UPK1B: variants seen among roughly 807,000 people sequenced by gnomAD.
The protein encoded by UPK1B is uroplakin-1b.
In UPK1B, 28 loss-of-function variants were observed where a neutral mutation model predicts 34.2. The observed-to-expected ratio is 0.82, with a 90% CI of 0.61 to 1.12. The LOEUF is 1.12. UPK1B is among the 50% of genes most tolerant of loss of function. UPK1B has a pLI of 0.00. For synonymous variants in UPK1B, 81 were observed against 110.4 expected, an observed-to-expected ratio of 0.73 and a Z score of 1.67; for missense variants, 325 against 320.9, an observed-to-expected ratio of 1.01 and a Z score of -0.10.
intron 1 of UPK1B, among the ~76,000 whole-genome samples, chr3:119,176,332 C>T (rs1429798632): frequency 6.6e-6 from 1 of 152,138 alleles, no homozygotes; most frequent in African/African-American, 2.4e-5. Context: ...TCTTTTTCTT[C>T]TGCTTTGCAA....
intron 3 of UPK1B, among the ~76,000 whole-genome samples, chr3:119,189,835 G>C (rs1450632926): frequency 6.6e-6 from 1 of 152,200 alleles, no homozygotes; most frequent in East Asian, 1.9e-4. Flanking sequence ...GATTTATGAG[G>C]CCCTATACTG....
chr3:119,195,566 T>C (rs978309069), intron 6 of UPK1B, among the ~76,000 whole-genome samples: 1 of 152,248 alleles, frequency 6.6e-6, no homozygotes, highest in African/African-American at 2.4e-5. Context: ...ATTGTTTTAA[T>C]CAATTATATT....
chr3:119,173,803 CCTGTT>C (rs1251430914), intron 1 of UPK1B, among the ~76,000 whole-genome samples, 165 bp downstream of exon 1: 3 of 152,100 alleles, frequency 2.0e-5, no homozygotes. Flanking sequence ...TTGTGACTGT[CCTGTT>C]CTCTTTTACT....
At chr3:119,189,529 T>C (rs6772525) in intron 3 of UPK1B, among the ~76,000 whole-genome samples, 74,103 of 152,244 alleles carry the variant, frequency 0.49, 19,218 homozygotes, top group Non-Finnish European at 0.58. Context: ...CATGTGGAGG[T>C]ATCATGTGCA....
chr3:119,176,356 G>A (rs75951664), intron 1 of UPK1B, among the ~76,000 whole-genome samples: 2,293 of 152,264 alleles, frequency 0.015, 26 homozygotes, highest in Middle Eastern at 0.031. Flanking sequence ...GGTTTGTTTA[G>A]TGAGCAATTG....
chr3:119,197,480 T>C (rs1315724823), intron 6 of UPK1B, among the ~76,000 whole-genome samples: 1 of 152,202 alleles, frequency 6.6e-6, no homozygotes, highest in Non-Finnish European at 1.5e-5. Flanking sequence ...TATATATTAT[T>C]AGATGAACGA....
At chr3:119,196,637 T>C (rs898623808) in intron 6 of UPK1B, among the ~76,000 whole-genome samples, 1 of 150,542 alleles carries the variant, frequency 6.6e-6, no homozygotes, top group East Asian at 2.0e-4. Flanking sequence ...CCTCCCAGGT[T>C]CAAGTGATTC....
chr3:119,185,611 T>C (rs995797453), intron 1 of UPK1B, among the ~76,000 whole-genome samples: 2 of 152,244 alleles, frequency 1.3e-5, no homozygotes, highest in African/African-American at 2.4e-5. Context: ...TGTGTGGGAA[T>C]GCATCTTAGT....
intron 3 of UPK1B, among the ~76,000 whole-genome samples, chr3:119,189,380 C>G (rs957339398): frequency 3.3e-5 from 5 of 152,228 alleles, no homozygotes; most frequent in African/African-American, 1.2e-4. Flanking sequence ...CCTGCTGACA[C>G]TGACCACAGT....
chr3:119,199,169 T>G, intron 7 of UPK1B, 29 bp downstream of exon 7: 1 of 1,612,354 alleles, frequency 6.2e-7, no homozygotes, highest in East Asian at 2.2e-5. Flanking sequence ...ATATTTTATC[T>G]GAGAGGATGA....
At chr3:119,179,087 T>C (rs6438501) in intron 1 of UPK1B, among the ~76,000 whole-genome samples, 116,755 of 151,608 alleles carry the variant, frequency 0.77, 45,219 homozygotes, top group East Asian at 0.84. Flanking sequence ...GCCTATAATC[T>C]CCACACTTTG....
chr3:119,178,814 G>A (rs2077971386), intron 1 of UPK1B, among the ~76,000 whole-genome samples: 2 of 152,154 alleles, frequency 1.3e-5, no homozygotes, highest in South Asian at 4.1e-4. Context: ...GATCATTTGA[G>A]AACCTCTGCT....
chr3:119,202,457 A>C (rs192683084), intron 7 of UPK1B, among the ~76,000 whole-genome samples: 59 of 152,328 alleles, frequency 3.9e-4, no homozygotes, highest in Non-Finnish European at 7.2e-4. Flanking sequence ...TAGAATAGTG[A>C]GTGATGCATA....
rs199919041 is a variant in UPK1B, at chr3:119,199,578, T to C, written c.732+438T>C. 2.0e-5 allele frequency among the ~76,000 whole-genome samples: 3 copies of C among 152,240 alleles called. No homozygotes were observed. The East Asian group carries it at 5.8e-4, about 29-fold the overall frequency. On this transcript the variant is annotated intron_variant, in intron 7 of 7. Coordinates refer to ENST00000264234, the MANE Select transcript of UPK1B (RefSeq NM_006952.4). ...TGCCTCTGGCAGATTCATCCTTTCC[T>C]ACTGCCCACTTTATCTGACGCATAT...
rs556340937 is a variant in UPK1B at position 119,190,125 on chromosome 3, A to AT, written c.271-119dup. 1.3e-3 allele frequency: 956 copies of AT among 728,094 alleles called. 5 individuals carry two copies. The African/African-American group carries it at 0.014, about 11-fold the overall frequency. 45.1% of individuals were successfully genotyped at this position (728,094 alleles called of 1,614,324 possible). ...CCACTGGTCAATGAGGGTTTGTTGA[A>AT]TAACTACATGAGTGATTACATGATT... On this transcript the variant is annotated intron_variant, in intron 3 of 7. Coordinates refer to ENST00000264234, the MANE Select transcript of UPK1B (RefSeq NM_006952.4).
At chr3:119,184,265 T>C (rs1442258999) in intron 1 of UPK1B, among the ~76,000 whole-genome samples, 1 of 152,170 alleles carries the variant, frequency 6.6e-6, no homozygotes, top group Non-Finnish European at 1.5e-5. Flanking sequence ...TCACGGGGCA[T>C]AATTGGGTCA....
rs2078113913 is a variant in UPK1B at position 119,205,100 on chromosome 3, C to T, written c.*1133C>T. The T allele has an allele frequency of 6.6e-6, 1 of 152,160 alleles. No individual in the cohort carries two copies. The highest frequency in any genetic ancestry group is 1.5e-5 in the Non-Finnish European group (1 of 68,034). 9.4% of individuals were successfully genotyped at this position (152,160 alleles called of 1,614,324 possible). ...GGTCCTGAAGGAAATTCTTATAACTCAACATTTGTCTGGTCTTATAAGTAA... is the reference window on the plus strand; with the variant it reads ...GGTCCTGAAGGAAATTCTTATAACTTAACATTTGTCTGGTCTTATAAGTAA... On this transcript the variant is annotated 3_prime_UTR_variant, in exon 8 of 8. Coordinates refer to ENST00000264234, the MANE Select transcript of UPK1B (RefSeq NM_006952.4).
At chr3:119,185,742 GATTA>G (rs1021919489) in intron 1 of UPK1B, among the ~76,000 whole-genome samples, 8 of 152,286 alleles carry the variant, frequency 5.3e-5, no homozygotes, top group African/African-American at 1.9e-4. Context: ...TGCATGAATT[GATTA>G]ATTAAATGTT....
At chr3:119,179,371 AT>A (rs2077975409) in intron 1 of UPK1B, among the ~76,000 whole-genome samples, 1 of 73,110 alleles carries the variant, frequency 1.4e-5, no homozygotes, top group African/African-American at 4.2e-5. Flanking sequence ...ATATATATAT[AT>A]ATATATATAT....
Sources: allele counts gnomAD v4.1 joint callset (sites outside exome capture counted in the v4.1 genomes callset), GRCh38; gene constraint gnomAD v4.1.1; transcripts MANE v1.5; gene names NCBI Gene and HGNC (gene_info 2026-07-23, HGNC 2026-07-21).